The following COL22A1 variants were observed in gnomAD, a reference collection of about 807,000 sequenced individuals.
COL22A1 encodes the protein collagen type XXII alpha 1 chain, also known as collagen alpha-1(XXII) chain.
Under a neutral mutation model 248.9 loss-of-function variants are expected in COL22A1, and 221 were observed. That is an observed-to-expected ratio of 0.89 (90% confidence interval 0.80 to 0.99). COL22A1 has a LOEUF of 0.99. Ranked by LOEUF, COL22A1 falls within the 50% of genes least tolerant of loss-of-function variation. The probability of loss-of-function intolerance (pLI) is 0.00; values close to 1 mark genes in which losing one functional copy is unlikely to be tolerated. For missense variants in COL22A1, 2,240 were observed against 2,179.0 expected (o/e 1.03, Z -0.56); for synonymous variants, 891 against 793.4 (o/e 1.12, Z -2.07).
intron 41 of COL22A1, among the ~76,000 whole-genome samples, chr8:138,670,432 C>T (rs924092812): frequency 6.6e-6 from 1 of 152,124 alleles, no homozygotes; most frequent in African/African-American, 2.4e-5. Flanking sequence ...GGAGCTGGGG[C>T]CTGGGGTAAC....
At chr8:138,812,038 T>C in intron 8 of COL22A1, 117 bp from the exon 9 acceptor site, 2 of 1,212,530 alleles carry the variant, frequency 1.6e-6, no homozygotes, top group East Asian at 5.2e-5. Context: ...GAGAAAACGC[T>C]GAGGATGTCT....
At chr8:138,836,172 G>A (rs554111714) in intron 4 of COL22A1, among the ~76,000 whole-genome samples, 10 of 152,338 alleles carry the variant, frequency 6.6e-5, no homozygotes, top group Non-Finnish European at 1.5e-4. Flanking sequence ...TTGGGAGGCT[G>A]AGGCAGGAGA....
intron 3 of COL22A1, among the ~76,000 whole-genome samples, chr8:138,857,386 T>C (rs1418945852): frequency 6.6e-6 from 1 of 152,202 alleles, no homozygotes; most frequent in Non-Finnish European, 1.5e-5. Flanking sequence ...GACCACACCC[T>C]TCCATGCCCT....
At chr8:138,849,548 T>C (rs577382089) in intron 3 of COL22A1, among the ~76,000 whole-genome samples, 17 of 152,328 alleles carry the variant, frequency 1.1e-4, no homozygotes, top group African/African-American at 4.1e-4. Flanking sequence ...CACTGCATGA[T>C]GCAGCCTCTC....
chr8:138,634,605 G>T (rs1294493337), intron 49 of COL22A1, among the ~76,000 whole-genome samples: 1 of 152,130 alleles, frequency 6.6e-6, no homozygotes, highest in Non-Finnish European at 1.5e-5. Flanking sequence ...GGGCCCAGTG[G>T]AGATCATTGA....
chr8:138,736,637 C>T (rs1831131692), intron 23 of COL22A1, among the ~76,000 whole-genome samples: 1 of 152,046 alleles, frequency 6.6e-6, no homozygotes. Context: ...CACAGCTGGA[C>T]CTGTGGAAGC....
intron 31 of COL22A1, 95 bp downstream of exon 31, chr8:138,703,211 A>T: frequency 1.8e-6 from 2 of 1,119,654 alleles, no homozygotes; most frequent in South Asian, 2.5e-5. Flanking sequence ...AATAGGGGAG[A>T]TATTTAAAAC....
intron 3 of COL22A1, among the ~76,000 whole-genome samples, chr8:138,874,634 G>A (rs1407150073): frequency 6.6e-6 from 1 of 152,170 alleles, no homozygotes; most frequent in African/African-American, 2.4e-5. Context: ...ACTGAGAGGT[G>A]TCTTGCTGTG....
At chr8:138,903,791 A>G (rs1814796006) in intron 1 of COL22A1, among the ~76,000 whole-genome samples, 1 of 152,148 alleles carries the variant, frequency 6.6e-6, no homozygotes. Context: ...TGGGCCCCAC[A>G]TCCCCCTGGA....
chr8:138,854,707 C>T (rs909573553), intron 3 of COL22A1, among the ~76,000 whole-genome samples: 2 of 152,136 alleles, frequency 1.3e-5, no homozygotes, highest in African/African-American at 4.8e-5. Flanking sequence ...GGCCTTCTGC[C>T]CCAGCCTTGG....
At chr8:138,885,321 C>T (rs1035101423) in intron 1 of COL22A1, among the ~76,000 whole-genome samples, 2 of 152,166 alleles carry the variant, frequency 1.3e-5, no homozygotes, top group African/African-American at 4.8e-5. Context: ...GCATGTTACA[C>T]CTGATCTCAG....
At chr8:138,750,128 C>T (rs1167984856) in intron 22 of COL22A1, among the ~76,000 whole-genome samples, 1 of 152,188 alleles carries the variant, frequency 6.6e-6, no homozygotes, top group Non-Finnish European at 1.5e-5. Flanking sequence ...GTAACTTGCT[C>T]CTCCTTGCCT....
In COL22A1 at chr8:138,664,209, G is replaced by GCGCA. The variant is rs1440442280; in HGVS notation, c.3151-470_3151-469insTGCG. Among the ~76,000 whole-genome samples, 272 of 103,190 alleles carry GCGCA rather than the reference G, an allele frequency of 2.6e-3. 3 individuals are homozygous for GCGCA. Among genetic ancestry groups the GCGCA allele is most frequent in the African/African-American group, 9.4e-3 (234 of 24,846 alleles). 67.7% of individuals were successfully genotyped at this position (103,190 alleles called of 152,430 possible). A position where few individuals can be genotyped will look rare whatever the true frequency, so the allele number is the denominator to read the frequency against. On this transcript the variant is annotated intron_variant, in intron 41 of 64. Transcript: ENST00000303045. ...CAACAAGGGGTGCGCGCGCGCGCGC[G>GCGCA]CACACACACACACACACACACACAC...
chr8:138,894,120 G>T (rs1196716470), intron 1 of COL22A1, among the ~76,000 whole-genome samples: 1 of 152,200 alleles, frequency 6.6e-6, no homozygotes, highest in African/African-American at 2.4e-5. Flanking sequence ...GGAATTCATG[G>T]GGAGGAAGGC....
Position 138,611,629 on chromosome 8 carries a change from A to T in COL22A1, c.3978+2238T>A, listed in dbSNP as rs976144176. ...GTTTATGTGCTGTATCCATATCTGC[A>T]TTTGACACACACTCTTTGACACCTC... On this transcript the variant is annotated intron_variant, in intron 56 of 64. Transcript: ENST00000303045. Among the ~76,000 whole-genome samples the T allele has an allele frequency of 1.2e-4, 19 of 152,306 alleles. No individual in the cohort carries two copies. The East Asian group carries it at 3.5e-3, about 28-fold the overall frequency.
intron 54 of COL22A1, 93 bp downstream of exon 54, chr8:138,616,820 CA>C (rs1819362195): frequency 1.4e-6 from 2 of 1,429,180 alleles, no homozygotes; most frequent in African/African-American, 2.8e-5. Context: ...TCGGGTAAGG[CA>C]CTGCCATGGC....
intron 49 of COL22A1, among the ~76,000 whole-genome samples, chr8:138,633,039 G>C (rs7462154): frequency 0.052 from 7,990 of 152,206 alleles, 254 homozygotes; most frequent in South Asian, 0.11. Context: ...TTGTCAGCTC[G>C]CTACCCATAT....
Position 138,747,330 on chromosome 8 carries a change from AT to A in COL22A1, c.2085+4127del, listed in dbSNP as rs1270645820. ...TGTGTATGATCTTTCATCATAAAAC[AT>A]TTTTTTCATCATAAACTTGTTTTTC... On this transcript the variant is annotated intron_variant, in intron 22 of 64. Coordinates refer to ENST00000303045, the MANE Select transcript of COL22A1 (RefSeq NM_152888.3). Among the ~76,000 whole-genome samples, 6 of 152,270 alleles carry A rather than the reference AT, an allele frequency of 3.9e-5. No individual in the cohort carries two copies. The South Asian group carries it at 6.2e-4, about 16-fold the overall frequency.
chr8:138,876,896 GAGA>G (rs772936347), intron 3 of COL22A1, among the ~76,000 whole-genome samples: 13 of 152,362 alleles, frequency 8.5e-5, no homozygotes, highest in Middle Eastern at 3.4e-3. Context: ...GGGCCTGGAG[GAGA>G]AGATTACTCA....
Sources: gnomAD v4.1 joint callset for allele counts (sites outside exome capture counted in the v4.1 genomes callset) on GRCh38, gnomAD v4.1.1 for gene constraint, MANE v1.5 for transcripts, NCBI Gene and HGNC (gene_info 2026-07-23, HGNC 2026-07-21) for gene names.